The following GSTZ1 variants were observed in gnomAD, a reference collection of about 807,000 sequenced individuals.
GSTZ1 encodes the protein glutathione S-transferase zeta 1.
GSTZ1 carries 34 observed loss-of-function variants against 35.9 expected under a neutral mutation model. That is an observed-to-expected ratio of 0.95 (90% CI 0.72 to 1.26). The LOEUF is 1.26. Ranked by LOEUF, GSTZ1 falls within the 50% of genes most tolerant of loss-of-function variation. The pLI is 0.00. For missense variants in GSTZ1, 263 were observed against 271.7 expected, an observed-to-expected ratio of 0.97 and a Z score of 0.23; for synonymous variants, 93 against 101.2, an observed-to-expected ratio of 0.92 and a Z score of 0.49.
intron 4 of GSTZ1, 177 bp from the exon 5 acceptor site, chr14:77,327,735 A>G: frequency 1.4e-6 from 1 of 731,206 alleles, no homozygotes; most frequent in Non-Finnish European, 2.3e-6. Flanking sequence ...CACATGGAGA[A>G]CCAAGTTCTG....
At chr14:77,321,864 A>C (rs949866842) in intron 1 of GSTZ1, among the ~76,000 whole-genome samples, 6 of 151,358 alleles carry the variant, frequency 4.0e-5, no homozygotes, top group Admixed American at 1.3e-4. Context: ...GCCTGGGCGA[A>C]AGAGCGGGAC....
rs941321365 is a variant in GSTZ1 at position 77,321,080 on chromosome 14, A to T, written c.-89A>T. 2.3e-6 allele frequency: 3 copies of T among 1,299,406 alleles called. No individual in the cohort carries two copies. In the East Asian group the frequency reaches 8.0e-5, roughly 35 times the overall value. 80.5% of individuals were successfully genotyped at this position (1,299,406 alleles called of 1,614,324 possible). On this transcript the variant is annotated 5_prime_UTR_variant, in exon 1 of 9. Coordinates refer to ENST00000216465, the MANE Select transcript of GSTZ1 (RefSeq NM_145870.3). ...TACCCGGACGAAAGACACGGGCCTG[A>T]TTCGTCGAGTCTCACTGAGCCTTAG...
At chr14:77,328,671 CA>C (rs2139578635) in intron 5 of GSTZ1, 2 of 185,836 alleles carry the variant, frequency 1.1e-5, no homozygotes, top group South Asian at 2.4e-4. Flanking sequence ...AAAATGGCTC[CA>C]GGGGTGCCAA....
At chr14:77,326,646 A>C (rs1300059448) in intron 2 of GSTZ1, 192 bp from the exon 3 acceptor site, 1 of 564,350 alleles carries the variant, frequency 1.8e-6, no homozygotes, top group Non-Finnish European at 3.2e-6. Context: ...AGCATCGTGC[A>C]TCTGGGGTAG....
At chr14:77,330,431 T>A (rs1442793154) in intron 8 of GSTZ1, 72 bp downstream of exon 8, 2 of 1,224,114 alleles carry the variant, frequency 1.6e-6, no homozygotes. Context: ...GCTGGCGAGA[T>A]AGCATCTCAT....
chr14:77,324,960 G>C, intron 2 of GSTZ1, 39 bp downstream of exon 2: 1 of 1,550,422 alleles, frequency 6.4e-7, no homozygotes, highest in Non-Finnish European at 8.9e-7. Flanking sequence ...TGCTGGAGTG[G>C]GGTGGACTGG....
chr14:77,328,054 C>G lies in GSTZ1; in HGVS notation c.342+17C>G. On this transcript the variant is annotated intron_variant, in intron 5 of 8. Coordinates refer to ENST00000216465, the MANE Select transcript of GSTZ1 (RefSeq NM_145870.3). ...CCCCTGCAGGTGTGGCACTTGTACA[C>G]TTGCACCCTTGCACACCTGACACAC... 6.2e-7 allele frequency: 1 copy of G among 1,602,050 alleles called. No homozygotes were observed. The highest frequency in any genetic ancestry group is 8.5e-7 in the Non-Finnish European group (1 of 1,178,698).
Position 77,321,395 on chromosome 14 carries a change from G to GT in GSTZ1, c.15+213dup. 2.0e-6 allele frequency: 3 copies of GT among 1,529,756 alleles called. No homozygotes were observed. The South Asian group carries it at 3.6e-5, about 18-fold the overall frequency. 94.8% of individuals were successfully genotyped at this position (1,529,756 alleles called of 1,614,324 possible). ...GGTTGGGCCAGAGGAGGCGGTCCTG[G>GT]TAGGGAGTGCGTAGCAGGGTGGAGT... On this transcript the variant is annotated intron_variant, in intron 1 of 8. Coordinates refer to ENST00000216465, the MANE Select transcript of GSTZ1 (RefSeq NM_145870.3).
rs952046132 is a variant in GSTZ1, at chr14:77,324,478, C to T, written c.16-392C>T. 6.2e-6 allele frequency: 5 copies of T among 808,326 alleles called. No individual in the cohort carries two copies. In the African/African-American group the frequency reaches 6.8e-5, roughly 11 times the overall value. 50.1% of individuals were successfully genotyped at this position (808,326 alleles called of 1,614,324 possible). On this transcript the variant is annotated intron_variant, in intron 1 of 8. Coordinates refer to ENST00000216465, the MANE Select transcript of GSTZ1 (RefSeq NM_145870.3). ...CCCTTTCTGACCAGAGTCAAAGTTC[C>T]CCCAATGCCTGGGTAGCCCAGCTTC...
chr14:77,321,638 C>G (rs906179419), intron 1 of GSTZ1: 50 of 666,962 alleles, frequency 7.5e-5, no homozygotes, highest in Non-Finnish European at 8.2e-6. Flanking sequence ...AATCCCAGCA[C>G]TTTGGGAGGC....
rs572983675 is a variant in GSTZ1 at position 77,321,837 on chromosome 14, C to T, written c.15+654C>T. Among the ~76,000 whole-genome samples, 507 of 151,208 alleles carry T rather than the reference C, an allele frequency of 3.4e-3. 3 individuals are homozygous for T. Among genetic ancestry groups the T allele is most frequent in the Middle Eastern group, 6.8e-3 (2 of 294 alleles). On this transcript the variant is annotated intron_variant, in intron 1 of 8. Coordinates refer to ENST00000216465, the MANE Select transcript of GSTZ1 (RefSeq NM_145870.3). ...GGCGGAGCTTGCAGTGAGCCGAGAT[C>T]GCGCCACTGCACTCCAGCCTGGGCG...
At position 77,326,702 on chromosome 14, in the gene GSTZ1, C is replaced by T; in HGVS notation, c.68-136C>T. ...AAGCTGAGAGAAGGGGATAGTGCCA[C>T]GGTGAGCCTTGACCACCCAGAAGTG... is the stretch of plus-strand genomic sequence containing the variant. On this transcript the variant is annotated intron_variant, in intron 2 of 8. Transcript: ENST00000216465. 6.4e-6 allele frequency: 4 copies of T among 628,382 alleles called. No homozygotes were observed. The East Asian group carries it at 8.3e-5, about 13-fold the overall frequency. 38.9% of individuals were successfully genotyped at this position (628,382 alleles called of 1,614,324 possible). A position where few individuals can be genotyped will look rare whatever the true frequency, so the allele number is the denominator to read the frequency against.
intron 1 of GSTZ1, 144 bp downstream of exon 1, chr14:77,321,327 C>G: frequency 2.0e-6 from 3 of 1,530,758 alleles, no homozygotes; most frequent in Non-Finnish European, 8.8e-7. Flanking sequence ...CGCTCTGCGC[C>G]TGCGTGCTGC....
Position 77,330,325 on chromosome 14 carries a change from C to CTG in GSTZ1, c.493_494dup (p.Leu166AlafsTer50). 1 of 1,613,698 alleles carries CTG rather than the reference C, an allele frequency of 6.2e-7. No homozygotes were observed. The highest frequency in any genetic ancestry group is 8.5e-7 in the Non-Finnish European group (1 of 1,179,572). On this transcript the variant is annotated frameshift_variant, in exon 8 of 9. Coordinates refer to ENST00000216465, the MANE Select transcript of GSTZ1 (RefSeq NM_145870.3). LOFTEE classifies it high-confidence loss of function. Reference sequence around the variant, plus strand: ...CCTCTTTCAGGTGACCATGGCTGATCTGTGCTTGGTGCCTCAGGTGGCAAA... The same window carrying CTG: ...CCTCTTTCAGGTGACCATGGCTGATCTGTGTGCTTGGTGCCTCAGGTGGCAAA...
At chr14:77,324,357 G>T in intron 1 of GSTZ1, 2 of 544,550 alleles carry the variant, frequency 3.7e-6, no homozygotes, top group Non-Finnish European at 6.6e-6. Context: ...ATGTTGGCCA[G>T]GCTGGTCTCA....
rs1370974382 is a variant in GSTZ1 at position 77,331,134 on chromosome 14, A to C, written c.590A>C (p.Glu197Ala). 12 of 1,613,916 alleles carry C rather than the reference A, an allele frequency of 7.4e-6. No homozygotes were observed. The highest frequency in any genetic ancestry group is 1.0e-5 in the Non-Finnish European group (12 of 1,179,942). The change falls in exon 9 of 9, where the codon GAG (glutamate) becomes GCG (alanine). Residue 197 changes from glutamate to alanine, a missense_variant. Coordinates refer to ENST00000216465, the MANE Select transcript of GSTZ1 (RefSeq NM_145870.3). ...ATCAACAAGAGGCTGCTGGTCTTGG[A>C]GGCCTTCCAGGTGTCTCACCCCTGC... ...SSINKRLLVLEAFQVSHPCRQ... is the reference protein window; with the variant it reads ...SSINKRLLVLAAFQVSHPCRQ...
At chr14:77,322,814 T>C (rs1189291956) in intron 1 of GSTZ1, 2 of 540,874 alleles carry the variant, frequency 3.7e-6, no homozygotes, top group African/African-American at 4.1e-5. Flanking sequence ...CCTTGCCATC[T>C]AGCAGACTGA....
At chr14:77,329,380 A>C in intron 6 of GSTZ1, 179 bp downstream of exon 6, 1 of 615,992 alleles carries the variant, frequency 1.6e-6, no homozygotes, top group Admixed American at 2.7e-5. Flanking sequence ...TAGCTCCAGC[A>C]CTTCTGGGAA....
At chr14:77,326,807 C>CT (rs774189556) in intron 2 of GSTZ1, 31 bp from the exon 3 acceptor site, 7 of 1,539,806 alleles carry the variant, frequency 4.5e-6, no homozygotes, top group Non-Finnish European at 6.2e-6. Flanking sequence ...AGAGGCTGTT[C>CT]TTTGACTCCG....
Sources: allele counts gnomAD v4.1 joint callset (sites outside exome capture counted in the v4.1 genomes callset), GRCh38; gene constraint gnomAD v4.1.1; transcripts MANE v1.5; gene names NCBI Gene and HGNC (gene_info 2026-07-23, HGNC 2026-07-21).